Variants in DLG2 observed in about 807,000 individuals in gnomAD.
DLG2 encodes the protein disks large homolog 2.
DLG2 carries 45 observed loss-of-function variants against 132.5 expected under a neutral mutation model. The observed-to-expected ratio is 0.34, with a 90% confidence interval of 0.27 to 0.44. DLG2 has a LOEUF of 0.44. DLG2 is among the 20% of genes least tolerant of loss of function. The pLI is 1.00. For missense variants in DLG2, 1,045 were observed against 1,196.9 expected (o/e 0.87, Z 1.87); for synonymous variants, 424 against 419.6 (o/e 1.01, Z -0.13).
At chr11:85,417,830 C>G (rs897348624) in intron 3 of DLG2, among the ~76,000 whole-genome samples, 6 of 152,072 alleles carry the variant, frequency 3.9e-5, no homozygotes, top group African/African-American at 1.4e-4. Context: ...ATTCTTCTCT[C>G]TTTTCTTCTT....
At chr11:83,477,999 C>G (rs2092756419) in intron 22 of DLG2, among the ~76,000 whole-genome samples, 1 of 152,082 alleles carries the variant, frequency 6.6e-6, no homozygotes, top group Admixed American at 6.6e-5. Flanking sequence ...CTCTTATGCT[C>G]CCACTATTCT....
chr11:84,432,713 G>C (rs979426641), intron 7 of DLG2, among the ~76,000 whole-genome samples: 7 of 152,120 alleles, frequency 4.6e-5, no homozygotes, highest in African/African-American at 1.7e-4. Flanking sequence ...AGTAGAACTA[G>C]TGTGCTGGTT....
chr11:85,427,071 T>A (rs2090808844), intron 3 of DLG2, among the ~76,000 whole-genome samples: 1 of 151,966 alleles, frequency 6.6e-6, no homozygotes, highest in South Asian at 2.1e-4. Flanking sequence ...AAGGGAAGTT[T>A]AGAGAAAAAA....
intron 2 of DLG2, among the ~76,000 whole-genome samples, chr11:85,610,526 G>T (rs1191658410): frequency 6.6e-6 from 1 of 152,162 alleles, no homozygotes; most frequent in Non-Finnish European, 1.5e-5. Context: ...AGACGATCTT[G>T]CCCCACGGGT....
At position 85,366,179 on chromosome 11, in the gene DLG2, T is replaced by C. The variant is rs527436906; in HGVS notation, c.41-80814A>G. 2.4e-4 allele frequency among the ~76,000 whole-genome samples: 37 copies of C among 152,266 alleles called. No individual in the cohort carries two copies. In the South Asian group the frequency reaches 6.4e-3, roughly 26 times the overall value. On this transcript the variant is annotated intron_variant, in intron 3 of 27. Coordinates refer to ENST00000376104, the MANE Select transcript of DLG2 (RefSeq NM_001142699.3). ...TGCTATAATTCTAAGAAAGGCACATTTGGAGGTATGGAGAATATGAGAAAC... is the reference window on the plus strand; with the variant it reads ...TGCTATAATTCTAAGAAAGGCACATCTGGAGGTATGGAGAATATGAGAAAC...
At chr11:85,238,625 T>A (rs1024472380) in intron 4 of DLG2, among the ~76,000 whole-genome samples, 5 of 152,156 alleles carry the variant, frequency 3.3e-5, no homozygotes, top group African/African-American at 1.2e-4. Flanking sequence ...CAGCTTTAGA[T>A]GCTTCTTCTT....
chr11:84,781,880 A>G (rs927372201), intron 6 of DLG2, among the ~76,000 whole-genome samples: 1 of 152,112 alleles, frequency 6.6e-6, no homozygotes, highest in Non-Finnish European at 1.5e-5. Context: ...GTGATATACA[A>G]CAGAGATGGC....
At chr11:84,566,583 T>A (rs1245697143) in intron 6 of DLG2, among the ~76,000 whole-genome samples, 2 of 152,166 alleles carry the variant, frequency 1.3e-5, no homozygotes, top group African/African-American at 2.4e-5. Flanking sequence ...GCACTAAGGT[T>A]AAAAGGCTCC....
intron 17 of DLG2, among the ~76,000 whole-genome samples, chr11:83,819,682 A>G (rs896437402): frequency 1.3e-5 from 2 of 152,112 alleles, no homozygotes; most frequent in African/African-American, 4.8e-5. Context: ...TTACAGCAAC[A>G]TTGGTCCATC....
chr11:85,123,923 C>T lies in DLG2; in HGVS notation c.283-12188G>A, dbSNP rs187093525. Among the ~76,000 whole-genome samples the T allele has an allele frequency of 1.7e-3, 263 of 152,316 alleles. 1 individual carries two copies. The highest frequency in any genetic ancestry group is 6.2e-3 in the African/African-American group (257 of 41,554). Reference sequence around the variant, plus strand: ...GTATCTTTCTCTCACCAGTAAGAGGCTATAAACCTGCAAAGTATTATTCAC... The same window carrying T: ...GTATCTTTCTCTCACCAGTAAGAGGTTATAAACCTGCAAAGTATTATTCAC... On this transcript the variant is annotated intron_variant, in intron 5 of 27. Coordinates refer to ENST00000376104, the MANE Select transcript of DLG2 (RefSeq NM_001142699.3).
rs376007461 is a variant in DLG2, at chr11:84,059,328, G to T, written c.906C>A (p.Phe302Leu). 6.2e-6 allele frequency: 10 copies of T among 1,613,376 alleles called. No individual in the cohort carries two copies. The African/African-American group carries it at 1.3e-4, about 22-fold the overall frequency. ...TATTTTGATTACCTTTAGGGCCTTT[G>T]AACAGTTTGATTTCCACAACGGTCT... ...ILETVVEIKL[F>L]KGPKGLGFSI... The change falls in exon 11 of 28, where the codon TTC (phenylalanine) becomes TTA (leucine). Residue 302 changes from phenylalanine to leucine, a missense_variant. Around this residue, in one of 4 missense-constraint regions of DLG2, gnomAD observed 109 missense variants for 159.1 expected, o/e 0.69. Coordinates refer to ENST00000376104, the MANE Select transcript of DLG2 (RefSeq NM_001142699.3).
intron 27 of DLG2, among the ~76,000 whole-genome samples, chr11:83,461,220 A>T (rs2089932396): frequency 6.6e-6 from 1 of 152,028 alleles, no homozygotes; most frequent in African/African-American, 2.4e-5. Flanking sequence ...TATGTTGGCC[A>T]GGCTGGTCTC....
intron 6 of DLG2, among the ~76,000 whole-genome samples, chr11:84,796,537 T>C (rs1555225596): frequency 6.6e-6 from 1 of 152,224 alleles, no homozygotes; most frequent in Non-Finnish European, 1.5e-5. Flanking sequence ...ATCCGTTTCC[T>C]TCAGGTTGAA....
chr11:84,511,968 A>G (rs570364924), intron 7 of DLG2, among the ~76,000 whole-genome samples: 1 of 152,276 alleles, frequency 6.6e-6, no homozygotes, highest in African/African-American at 2.4e-5. Context: ...ACTAAGAACA[A>G]TTAGGTAACA....
At chr11:84,330,033 T>G (rs529841796) in intron 7 of DLG2, among the ~76,000 whole-genome samples, 2 of 152,354 alleles carry the variant, frequency 1.3e-5, no homozygotes, top group African/African-American at 2.4e-5. Flanking sequence ...AGAATTGTTG[T>G]GAAAATAACA....
chr11:83,790,421 C>T, intron 17 of DLG2: 1 of 1,049,090 alleles, frequency 9.5e-7, no homozygotes, highest in East Asian at 2.4e-5. Context: ...GATTGGTCCC[C>T]AGTACCATCC....
chr11:84,319,948 G>A (rs1392697988), intron 7 of DLG2, among the ~76,000 whole-genome samples: 2 of 151,968 alleles, frequency 1.3e-5, no homozygotes, highest in Admixed American at 6.6e-5. Context: ...ATGACATTTG[G>A]CTTTCTGAGG....
At chr11:84,436,497 A>C (rs565350598) in intron 7 of DLG2, among the ~76,000 whole-genome samples, 1 of 152,328 alleles carries the variant, frequency 6.6e-6, no homozygotes, top group East Asian at 1.9e-4. Context: ...GCTGAAGATC[A>C]TATCCTCAGA....
chr11:85,092,618 GTATA>G (rs2068967042), intron 6 of DLG2, among the ~76,000 whole-genome samples: 1 of 149,130 alleles, frequency 6.7e-6, no homozygotes, highest in Admixed American at 6.7e-5. Flanking sequence ...CATAGCAAGC[GTATA>G]TATTTATTGA....
Sources: allele counts gnomAD v4.1 joint callset (sites outside exome capture counted in the v4.1 genomes callset), GRCh38; gene constraint gnomAD v4.1.1; regional missense constraint gnomAD v4.1.1; transcripts MANE v1.5; gene names NCBI Gene and HGNC (gene_info 2026-07-23, HGNC 2026-07-21).